Variants in DHX32 observed in about 807,000 individuals in gnomAD.
DHX32 encodes DEAH-box helicase 32 (putative).
In DHX32, 51 loss-of-function variants were observed where a neutral mutation model predicts 70.0. That is an observed-to-expected ratio of 0.73 (90% CI 0.58 to 0.92). The LOEUF is 0.92. DHX32 is among the 40% of genes least tolerant of loss of function. The pLI is 0.00. For missense variants in DHX32, 762 were observed against 891.8 expected (o/e 0.85, Z 1.85); for synonymous variants, 310 against 315.3 (o/e 0.98, Z 0.18).
chr10:125,867,598 T>C (rs898139649), intron 1 of DHX32, among the ~76,000 whole-genome samples: 6 of 151,974 alleles, frequency 3.9e-5, no homozygotes, highest in South Asian at 2.1e-4. Flanking sequence ...TAGCTAGGCG[T>C]GGTGGCGGGC....
rs181041360 is a variant in DHX32, at chr10:125,849,618, G to A, written c.1351+2675C>T. ...ATTTGCTCGACTCTCTGGGCTGTTT[G>A]GGCAGTGCCAGTCCTGCCGGTAGGT... On this transcript the variant is annotated intron_variant, in intron 6 of 10. Coordinates refer to ENST00000284690, the MANE Select transcript of DHX32 (RefSeq NM_018180.3). Among the ~76,000 whole-genome samples the A allele has an allele frequency of 2.1e-4, 32 of 152,266 alleles. 1 individual carries two copies. The highest frequency in any genetic ancestry group is 7.2e-4 in the African/African-American group (30 of 41,572).
chr10:125,884,284 A>G (rs1294518632), upstream of DHX32, among the ~76,000 whole-genome samples: 2 of 152,248 alleles, frequency 1.3e-5, no homozygotes, highest in Admixed American at 1.3e-4. Flanking sequence ...GTAATTAAAT[A>G]TGTACCAAAG....
At chr10:125,894,565 A>C (rs569214033) in intron 1 of DHX32, among the ~76,000 whole-genome samples, 3 of 152,388 alleles carry the variant, frequency 2.0e-5, no homozygotes, top group African/African-American at 7.2e-5. Context: ...CTGATAAAAT[A>C]ATCATTCTAT....
chr10:125,874,846 C>A (rs1210437695), intron 1 of DHX32, among the ~76,000 whole-genome samples: 1 of 151,976 alleles, frequency 6.6e-6, no homozygotes, highest in Non-Finnish European at 1.5e-5. Context: ...AGAAACAGAG[C>A]CACAAATAGA....
chr10:125,859,173 G>A (rs1227273368), intron 3 of DHX32, among the ~76,000 whole-genome samples: 8 of 151,992 alleles, frequency 5.3e-5, no homozygotes, highest in African/African-American at 1.9e-4. Context: ...GAAATGTTGT[G>A]TTACTTAACT....
intron 2 of DHX32, among the ~76,000 whole-genome samples, chr10:125,862,320 G>A (rs1817645284): frequency 6.6e-6 from 1 of 152,112 alleles, no homozygotes; most frequent in South Asian, 2.1e-4. Context: ...TCTTTCAAAT[G>A]AGCAGTGATA....
At chr10:125,878,367 T>G (rs904130195) in intron 1 of DHX32, among the ~76,000 whole-genome samples, 1 of 152,228 alleles carries the variant, frequency 6.6e-6, no homozygotes, top group Non-Finnish European at 1.5e-5. Context: ...GACTTACATC[T>G]TCATAACAAA....
At chr10:125,892,445 T>G (rs1373466458) in intron 1 of DHX32, among the ~76,000 whole-genome samples, 51 of 152,292 alleles carry the variant, frequency 3.3e-4, no homozygotes, top group Non-Finnish European at 6.6e-4. Context: ...AAACTCATGG[T>G]CCTTAGGTTC....
intron 1 of DHX32, among the ~76,000 whole-genome samples, chr10:125,872,320 G>A (rs1443831386): frequency 6.6e-6 from 1 of 152,140 alleles, no homozygotes; most frequent in Admixed American, 6.5e-5. Context: ...TATTCTGGAT[G>A]GACTAGTTGC....
chr10:125,852,970 A>G (rs1944110768), intron 4 of DHX32, among the ~76,000 whole-genome samples: 1 of 152,176 alleles, frequency 6.6e-6, no homozygotes, highest in Non-Finnish European at 1.5e-5. Context: ...CACACAGAGA[A>G]AGGGTTCTCA....
In DHX32 at chr10:125,859,681, C is replaced by T. The variant is rs1564828081; in HGVS notation, c.771G>A (p.Glu257=). The T allele has an allele frequency of 1.9e-6, 3 of 1,613,612 alleles. No individual in the cohort carries two copies. Residue 257 remains glutamate, a synonymous_variant, in exon 3 of 11, where the codon GAG becomes GAA. Transcript: ENST00000284690. The part of the protein sequence containing the change: ...YLSEAQKDSF[E]SILRLIFEIH... Reference sequence around the variant, plus strand: ...TTTCAAAGATAAGGCGTAAAATAGACTCAAAAGAATCCTTTTGAGCCTCAC... The same window carrying T: ...TTTCAAAGATAAGGCGTAAAATAGATTCAAAAGAATCCTTTTGAGCCTCAC...
chr10:125,853,928 A>G, intron 4 of DHX32, 33 bp downstream of exon 4: 2 of 1,595,742 alleles, frequency 1.3e-6, no homozygotes, highest in Non-Finnish European at 1.7e-6. Context: ...GACAACGATC[A>G]GCAGTCTGTT....
chr10:125,896,307 G>A (rs1046448350), exon 1 of DHX32: 1 of 161,364 alleles, frequency 6.2e-6, no homozygotes, highest in Non-Finnish European at 1.3e-5. Context: ...GACGCCGCGG[G>A]TCGGCGACAG....
At chr10:125,839,609 A>C (rs1854813333) in intron 8 of DHX32, among the ~76,000 whole-genome samples, 1 of 152,222 alleles carries the variant, frequency 6.6e-6, no homozygotes, top group Admixed American at 6.5e-5. Context: ...CCACAGTATA[A>C]ATTCCTCTGA....
chr10:125,840,741 G>T, intron 8 of DHX32, 106 bp downstream of exon 8: 2 of 1,304,260 alleles, frequency 1.5e-6, no homozygotes, highest in Non-Finnish European at 2.1e-6. Flanking sequence ...CATTCAAGTG[G>T]CCAGTAGGGC....
intron 2 of DHX32, among the ~76,000 whole-genome samples, chr10:125,862,405 G>A (rs1270618887): frequency 6.6e-6 from 1 of 151,528 alleles, no homozygotes; most frequent in Admixed American, 6.6e-5. Context: ...TGTGCAAGAT[G>A]CCAACAGATG....
intron 3 of DHX32, 36 bp downstream of exon 3, chr10:125,859,567 C>T (rs1456662255): frequency 2.6e-6 from 4 of 1,524,254 alleles, no homozygotes; most frequent in African/African-American, 2.8e-5. Flanking sequence ...AAATGAAATA[C>T]CTTATTACTG....
At chr10:125,852,746 G>C in intron 4 of DHX32, 104 bp from the exon 5 acceptor site, 1 of 1,010,654 alleles carries the variant, frequency 9.9e-7, no homozygotes, top group Non-Finnish European at 1.4e-6. Flanking sequence ...TCCATGAAAT[G>C]CACTGCCACA....
chr10:125,879,015 G>GTTTTTTTT (rs35025096), intron 1 of DHX32, among the ~76,000 whole-genome samples: 2 of 56,674 alleles, frequency 3.5e-5, no homozygotes, highest in Non-Finnish European at 6.2e-5. Flanking sequence ...GCCTTTTCTT[G>GTTTTTTTT]TTTTTTTTTT....
Sources: allele counts gnomAD v4.1 joint callset (sites outside exome capture counted in the v4.1 genomes callset), GRCh38; gene constraint gnomAD v4.1.1; transcripts MANE v1.5; gene names NCBI Gene and HGNC (gene_info 2026-07-23, HGNC 2026-07-21).